Variants in FOXP2 observed in about 807,000 individuals in gnomAD.
FOXP2 encodes the protein forkhead box P2.
FOXP2 carries 12 observed loss-of-function variants against 115.8 expected under a neutral mutation model. The observed-to-expected ratio is 0.10, with a 90% CI of 0.07 to 0.17. The LOEUF is 0.17. FOXP2 is among the 10% of genes least tolerant of loss of function. The pLI, the probability that FOXP2 is intolerant of heterozygous loss-of-function variation, is 1.00. For missense variants in FOXP2, 629 were observed against 843.5 expected (o/e 0.75, Z 3.15); for synonymous variants, 328 against 297.7 (o/e 1.10, Z -1.05).
chr7:114,633,941 C>A (rs116118404), intron 6 of FOXP2, among the ~76,000 whole-genome samples: 1 of 151,928 alleles, frequency 6.6e-6, no homozygotes. Flanking sequence ...CATATAAAAA[C>A]CAAGTAGGAT....
intron 2 of FOXP2, 23 bp downstream of exon 2, chr7:114,426,702 C>T (rs1793869459): frequency 1.2e-6 from 2 of 1,608,262 alleles, no homozygotes; most frequent in African/African-American, 1.3e-5. Context: ...TTCCTCAGTG[C>T]TTCCTTAAAA....
intron 1 of FOXP2, among the ~76,000 whole-genome samples, chr7:114,117,224 C>CT (rs749660809): frequency 0.015 from 2,071 of 140,736 alleles, 38 homozygotes; most frequent in African/African-American, 0.046. Context: ...CATTACATTA[C>CT]TTTTTTTTTT....
chr7:114,415,526 C>T (rs537670676), intron 1 of FOXP2, among the ~76,000 whole-genome samples, 166 bp downstream of exon 1: 3 of 151,262 alleles, frequency 2.0e-5, no homozygotes, highest in Non-Finnish European at 2.9e-5. Context: ...AGGGAAAAGC[C>T]GGGAGACCAG....
At chr7:114,660,833 A>G (rs1187100937) in intron 13 of FOXP2, among the ~76,000 whole-genome samples, 1 of 152,148 alleles carries the variant, frequency 6.6e-6, no homozygotes, top group East Asian at 1.9e-4. Context: ...GAAATTTTAA[A>G]AGAAATGAAA....
chr7:114,480,632 C>G (rs1453089192), intron 2 of FOXP2, among the ~76,000 whole-genome samples: 2 of 149,494 alleles, frequency 1.3e-5, no homozygotes, highest in East Asian at 3.9e-4. Context: ...TACATGTATA[C>G]ATATGTATAT....
intron 2 of FOXP2, among the ~76,000 whole-genome samples, chr7:114,378,758 T>C (rs1792207323): frequency 7.0e-6 from 1 of 143,052 alleles, no homozygotes; most frequent in Non-Finnish European, 1.5e-5. Flanking sequence ...AGCCTTCTGC[T>C]GTCTGGTACC....
intron 2 of FOXP2, among the ~76,000 whole-genome samples, chr7:114,331,427 T>C (rs1000986746): frequency 6.6e-6 from 1 of 152,106 alleles, no homozygotes; most frequent in African/African-American, 2.4e-5. Context: ...GACATTAAGA[T>C]TATGTTAGCA....
chr7:114,555,362 G>T (rs564078347), intron 3 of FOXP2, among the ~76,000 whole-genome samples: 1 of 152,164 alleles, frequency 6.6e-6, no homozygotes, highest in East Asian at 1.9e-4. Context: ...CCTCTTAGTT[G>T]CTGTTCAGGT....
chr7:114,399,990 GGGATTACA>G (rs1439262538), intron 2 of FOXP2, among the ~76,000 whole-genome samples: 2 of 151,468 alleles, frequency 1.3e-5, no homozygotes, highest in East Asian at 3.9e-4. Flanking sequence ...CTGAGTAGCT[GGGATTACA>G]GGCGCCTGGT....
intron 16 of FOXP2, chr7:114,665,601 T>C (rs1443180114): frequency 6.6e-6 from 1 of 152,134 alleles, no homozygotes; most frequent in Non-Finnish European, 1.5e-5. Context: ...TTTTACTCTA[T>C]CACCTTTGCA....
chr7:114,127,939 T>C (rs759182878), intron 1 of FOXP2, among the ~76,000 whole-genome samples: 14 of 152,196 alleles, frequency 9.2e-5, no homozygotes, highest in African/African-American at 1.4e-4. Context: ...GTAAGTAAAA[T>C]GAACATATGT....
chr7:114,581,777 T>TC (rs1413824284), intron 3 of FOXP2, among the ~76,000 whole-genome samples: 1 of 152,152 alleles, frequency 6.6e-6, no homozygotes, highest in Non-Finnish European at 1.5e-5. Context: ...CATTCCTTCT[T>TC]CCCCCTAGTC....
At chr7:114,337,985 G>A (rs1228386678) in intron 2 of FOXP2, among the ~76,000 whole-genome samples, 2 of 151,108 alleles carry the variant, frequency 1.3e-5, no homozygotes, top group African/African-American at 4.8e-5. Context: ...AATCTTTATA[G>A]ACTATAAATA....
At chr7:114,283,580 A>G (rs1044190952) in intron 1 of FOXP2, among the ~76,000 whole-genome samples, 3 of 152,168 alleles carry the variant, frequency 2.0e-5, no homozygotes, top group African/African-American at 7.2e-5. Flanking sequence ...AGTAGAAAAT[A>G]TTAACAAAGA....
chr7:114,378,183 C>G (rs1445741143), intron 2 of FOXP2, among the ~76,000 whole-genome samples: 1 of 152,144 alleles, frequency 6.6e-6, no homozygotes, highest in East Asian at 1.9e-4. Flanking sequence ...GCAGAGAGGT[C>G]TGACTTTTCT....
chr7:114,353,193 C>T (rs989198637), intron 2 of FOXP2, among the ~76,000 whole-genome samples: 8 of 151,856 alleles, frequency 5.3e-5, no homozygotes, highest in Admixed American at 5.2e-4. Context: ...CATACAAGTC[C>T]ATTTTGTCAA....
chr7:114,155,099 C>G (rs1166786257), intron 1 of FOXP2, among the ~76,000 whole-genome samples: 1 of 152,120 alleles, frequency 6.6e-6, no homozygotes, highest in Non-Finnish European at 1.5e-5. Flanking sequence ...ACTTAGTACT[C>G]CTGTTTCTGA....
At chr7:114,415,446 T>TTGCTTTAC (rs1297613126) in intron 1 of FOXP2, 86 bp downstream of exon 1, 1 of 366,366 alleles carries the variant, frequency 2.7e-6, no homozygotes, top group East Asian at 7.2e-5. Flanking sequence ...GATTTGGCAA[T>TTGCTTTAC]TGCTTTACTT....
chr7:114,348,525 T>A (rs1262033873), intron 2 of FOXP2, among the ~76,000 whole-genome samples: 1 of 152,036 alleles, frequency 6.6e-6, no homozygotes, highest in Non-Finnish European at 1.5e-5. Context: ...TTTCCCAATT[T>A]TTCTATTTTT....
Sources: gnomAD v4.1 joint callset for allele counts (sites outside exome capture counted in the v4.1 genomes callset) on GRCh38, gnomAD v4.1.1 for gene constraint, MANE v1.5 for transcripts, NCBI Gene and HGNC (gene_info 2026-07-23, HGNC 2026-07-21) for gene names.